The following CPNE4 variants were observed in gnomAD, a reference collection of about 807,000 sequenced individuals.
CPNE4 encodes copine-4.
CPNE4 carries 25 observed loss-of-function variants against 67.9 expected under a neutral mutation model. The observed-to-expected ratio is 0.37, with a 90% CI of 0.27 to 0.51. The LOEUF (loss-of-function observed/expected upper bound fraction) is 0.51. CPNE4 is among the 20% of genes least tolerant of loss of function. The pLI is 0.93. For synonymous variants in CPNE4, 242 were observed against 244.9 expected (o/e 0.99, Z 0.11); for missense variants, 464 against 690.8 (o/e 0.67, Z 3.68).
intron 2 of CPNE4, among the ~76,000 whole-genome samples, chr3:131,898,861 T>C (rs1277553150): frequency 6.6e-6 from 1 of 152,098 alleles, no homozygotes; most frequent in East Asian, 1.9e-4. Flanking sequence ...AAAATTATTC[T>C]TATTAAGGAT....
chr3:131,630,164 G>A (rs1258038366), intron 7 of CPNE4, among the ~76,000 whole-genome samples: 1 of 152,160 alleles, frequency 6.6e-6, no homozygotes, highest in East Asian at 1.9e-4. Flanking sequence ...CACAGGATAC[G>A]AATCATTCCC....
chr3:131,575,716 CTAT>C (rs760134993), intron 9 of CPNE4, among the ~76,000 whole-genome samples: 3 of 152,042 alleles, frequency 2.0e-5, no homozygotes, highest in Non-Finnish European at 4.4e-5. Context: ...GGTGGCACAA[CTAT>C]TATTATTGTA....
At chr3:132,030,431 T>C (rs1486684291) in intron 1 of CPNE4, among the ~76,000 whole-genome samples, 3 of 152,234 alleles carry the variant, frequency 2.0e-5, no homozygotes, top group Admixed American at 6.5e-5. Flanking sequence ...ATCACATTTA[T>C]TGGGTAAATA....
At chr3:131,679,407 T>G (rs2080676475) in intron 6 of CPNE4, among the ~76,000 whole-genome samples, 1 of 152,108 alleles carries the variant, frequency 6.6e-6, no homozygotes, top group Non-Finnish European at 1.5e-5. Context: ...TTTTGAATGG[T>G]TTTTTGTCTC....
chr3:131,980,504 G>C lies in CPNE4; in HGVS notation c.-2+54063C>G, dbSNP rs192897134. ...AATTCTATTGCTGAGACTTTCCAGA[G>C]CATTTCACATTTCTAAAAGTGTGCT... On this transcript the variant is annotated intron_variant, in intron 1 of 15. Coordinates refer to ENST00000429747, the MANE Select transcript of CPNE4 (RefSeq NM_130808.3). Among the ~76,000 whole-genome samples, 16 of 152,056 alleles carry C rather than the reference G, an allele frequency of 1.1e-4. No individual in the cohort carries two copies. In the East Asian group the frequency reaches 3.1e-3, roughly 29 times the overall value.
At chr3:131,590,701 G>A (rs1354806448) in intron 7 of CPNE4, among the ~76,000 whole-genome samples, 3 of 152,124 alleles carry the variant, frequency 2.0e-5, no homozygotes, top group Non-Finnish European at 4.4e-5. Context: ...AAATGTTCAA[G>A]CAGAAACTGC....
chr3:131,916,835 C>T (rs2089199346), intron 1 of CPNE4, among the ~76,000 whole-genome samples: 1 of 152,118 alleles, frequency 6.6e-6, no homozygotes, highest in South Asian at 2.1e-4. Flanking sequence ...TAGTGACATG[C>T]ACTGGACATA....
At position 132,005,314 on chromosome 3, in the gene CPNE4, CATATATAT is replaced by C. The variant is rs767282824; in HGVS notation, c.-2+29245_-2+29252del. The stretch of plus-strand genomic sequence containing the variant: ...CAAAACAATGAATGTGCCATTTTTA[CATATATAT>C]ATATATATATATATATATATACACA... On this transcript the variant is annotated intron_variant, in intron 1 of 15. Coordinates refer to ENST00000429747, the MANE Select transcript of CPNE4 (RefSeq NM_130808.3). Among the ~76,000 whole-genome samples the C allele has an allele frequency of 1.1e-4, 9 of 81,738 alleles. 1 individual carries two copies. Among genetic ancestry groups the C allele is most frequent in the Admixed American group, 3.8e-4 (3 of 7,834 alleles). 53.6% of individuals were successfully genotyped at this position (81,738 alleles called of 152,430 possible).
chr3:131,942,155 A>G (rs1488994328), intron 1 of CPNE4, among the ~76,000 whole-genome samples: 1 of 152,088 alleles, frequency 6.6e-6, no homozygotes, highest in African/African-American at 2.4e-5. Flanking sequence ...GGCAATTAGC[A>G]AGGAGCATAA....
At chr3:131,915,648 T>C (rs2089154594) in intron 1 of CPNE4, among the ~76,000 whole-genome samples, 1 of 152,218 alleles carries the variant, frequency 6.6e-6, no homozygotes, top group Non-Finnish European at 1.5e-5. Flanking sequence ...AATGTTTTTC[T>C]GGAACATACC....
Position 131,581,618 on chromosome 3 carries a change from ATTC to A in CPNE4, c.825_827del (p.Lys275del), listed in dbSNP as rs1937841375. 1.2e-6 allele frequency: 2 copies of A among 1,613,792 alleles called. No individual in the cohort carries two copies. Among genetic ancestry groups the A allele is most frequent in the Non-Finnish European group, 1.7e-6 (2 of 1,179,728 alleles). ...GAATCACAGTGCCTGAGTTCTTGTA[ATTC>A]TTCTTCTTGGCTTTGTACTTGGGAT... On this transcript the variant is annotated inframe_deletion, in exon 9 of 16. Transcript: ENST00000429747.
intron 2 of CPNE4, among the ~76,000 whole-genome samples, chr3:131,904,233 G>A (rs999732122): frequency 6.6e-6 from 1 of 152,100 alleles, no homozygotes; most frequent in Non-Finnish European, 1.5e-5. Context: ...GGTTAAAACT[G>A]CATGCTGGCC....
intron 15 of CPNE4, among the ~76,000 whole-genome samples, chr3:131,538,370 A>C (rs1277042823): frequency 6.6e-6 from 1 of 152,212 alleles, no homozygotes; most frequent in Non-Finnish European, 1.5e-5. Context: ...ATTGTTCCCA[A>C]AGGATCCCCC....
At chr3:131,767,199 C>T (rs1433847623) in intron 2 of CPNE4, among the ~76,000 whole-genome samples, 3 of 151,832 alleles carry the variant, frequency 2.0e-5, no homozygotes, top group African/African-American at 2.4e-5. Context: ...CTGTAACTTA[C>T]CTATGACACT....
chr3:131,627,720 CTT>C (rs1012059004), intron 7 of CPNE4, among the ~76,000 whole-genome samples: 6 of 152,166 alleles, frequency 3.9e-5, no homozygotes, highest in African/African-American at 1.4e-4. Flanking sequence ...TCAGGGATGA[CTT>C]TGAGGAATTC....
intron 2 of CPNE4, among the ~76,000 whole-genome samples, chr3:131,872,173 T>C (rs1011568077): frequency 1.3e-5 from 2 of 150,228 alleles, no homozygotes; most frequent in African/African-American, 2.4e-5. Context: ...TGTGTATGCA[T>C]GTGTGTGCGT....
At chr3:131,790,229 G>C (rs750329076) in intron 2 of CPNE4, among the ~76,000 whole-genome samples, 2 of 152,116 alleles carry the variant, frequency 1.3e-5, no homozygotes, top group South Asian at 2.1e-4. Flanking sequence ...CCCTGGGTTG[G>C]TTTGACCTTT....
intron 7 of CPNE4, among the ~76,000 whole-genome samples, chr3:131,606,352 C>T (rs1213495013): frequency 6.6e-6 from 1 of 152,134 alleles, no homozygotes; most frequent in Non-Finnish European, 1.5e-5. Flanking sequence ...ATCCCAAAAG[C>T]ATGGAGAAAT....
chr3:131,678,054 T>C (rs2080632859), intron 6 of CPNE4, among the ~76,000 whole-genome samples: 1 of 152,220 alleles, frequency 6.6e-6, no homozygotes, highest in Non-Finnish European at 1.5e-5. Context: ...TGATTATTCC[T>C]ATGCATGAGC....
Sources: allele counts gnomAD v4.1 joint callset (sites outside exome capture counted in the v4.1 genomes callset), GRCh38; gene constraint gnomAD v4.1.1; transcripts MANE v1.5; gene names NCBI Gene and HGNC (gene_info 2026-07-23, HGNC 2026-07-21).